Variants in RARB observed in about 807,000 individuals in gnomAD.
RARB encodes the protein retinoic acid receptor beta, also known as HBV-activated protein.
A neutral mutation model predicts 51.9 loss-of-function variants in RARB; 17 were observed. The ratio of observed to expected loss-of-function variants is 0.33; its 90% confidence interval spans 0.22 to 0.49. The LOEUF (loss-of-function observed/expected upper bound fraction) is 0.49, where lower values mean the gene tolerates loss of function less well. Among genes scored for constraint, RARB ranks in the 20% least tolerant of loss-of-function variants. The pLI, the probability that RARB is intolerant of heterozygous loss-of-function variation, is 0.99. For synonymous variants in RARB, 215 were observed against 195.4 expected (o/e 1.10, Z -0.84); for missense variants, 369 against 550.8 (o/e 0.67, Z 3.30).
chr3:25,104,420 T>C (rs1001459131), intron 3 of RARB, among the ~76,000 whole-genome samples: 4 of 152,082 alleles, frequency 2.6e-5, no homozygotes, highest in Admixed American at 6.6e-5. Context: ...GCGGTGCAGA[T>C]TGCTTGAGCC....
chr3:25,246,550 T>C (rs1036322211), intron 5 of RARB, among the ~76,000 whole-genome samples: 4 of 152,182 alleles, frequency 2.6e-5, no homozygotes, highest in Non-Finnish European at 4.4e-5. Flanking sequence ...TTTCTGTTTG[T>C]TAGTTTTCCT....
intron 2 of RARB, among the ~76,000 whole-genome samples, chr3:24,978,332 C>A (rs946339772): frequency 4.6e-5 from 7 of 152,096 alleles, no homozygotes; most frequent in Admixed American, 4.6e-4. Flanking sequence ...AGGAATGGTA[C>A]CAGCTCCTTT....
At chr3:25,168,120 T>A (rs1236901788) in intron 4 of RARB, among the ~76,000 whole-genome samples, 1 of 152,096 alleles carries the variant, frequency 6.6e-6, no homozygotes, top group East Asian at 1.9e-4. Flanking sequence ...GAGAAATACA[T>A]CTAATGTTAA....
intron 3 of RARB, among the ~76,000 whole-genome samples, chr3:25,551,409 C>T (rs1157306520): frequency 6.6e-5 from 10 of 152,146 alleles, no homozygotes; most frequent in African/African-American, 1.7e-4. Context: ...ACTCATCAGA[C>T]CCTGGTAGAT....
At chr3:25,045,385 G>A (rs558680568) in intron 2 of RARB, among the ~76,000 whole-genome samples, 4 of 152,276 alleles carry the variant, frequency 2.6e-5, no homozygotes, top group East Asian at 3.9e-4. Flanking sequence ...AGGCCCTTCC[G>A]AGAGAGAAAG....
intron 5 of RARB, among the ~76,000 whole-genome samples, chr3:25,219,884 AT>A (rs916866550): frequency 6.6e-6 from 1 of 152,238 alleles, no homozygotes; most frequent in African/African-American, 2.4e-5. Flanking sequence ...ACAGGAAAAA[AT>A]AATCTAAGAG....
At chr3:25,193,916 GTA>G (rs1481044769) in intron 5 of RARB, among the ~76,000 whole-genome samples, 1 of 151,676 alleles carries the variant, frequency 6.6e-6, no homozygotes, top group Admixed American at 6.6e-5. Flanking sequence ...TAATCAGTTA[GTA>G]AGATGATTAT....
rs184348570 is a variant in RARB, at chr3:25,586,111, G to A, written c.786+5389G>A. Reference sequence around the variant, plus strand: ...CTATATCACCTCGTGGCACTGCCTCGAGCCTCAGTCAAGCTCTTTCCTGAC... The same window carrying A: ...CTATATCACCTCGTGGCACTGCCTCAAGCCTCAGTCAAGCTCTTTCCTGAC... On this transcript the variant is annotated intron_variant, in intron 5 of 7. Coordinates refer to ENST00000330688, the MANE Select transcript of RARB (RefSeq NM_000965.5). Among the ~76,000 whole-genome samples the A allele has an allele frequency of 1.2e-3, 189 of 152,126 alleles. 2 individuals are homozygous for A. The highest frequency in any genetic ancestry group is 3.4e-3 in the Middle Eastern group (1 of 294).
At chr3:24,935,980 C>A (rs375218357) in intron 2 of RARB, among the ~76,000 whole-genome samples, 3 of 151,998 alleles carry the variant, frequency 2.0e-5, no homozygotes, top group African/African-American at 4.8e-5. Flanking sequence ...ATGTATAAAT[C>A]GAAAACTTAA....
At chr3:24,915,173 T>G (rs1695078592) in intron 2 of RARB, among the ~76,000 whole-genome samples, 6 of 151,852 alleles carry the variant, frequency 4.0e-5, no homozygotes, top group Admixed American at 3.9e-4. Context: ...AAAAACAAAC[T>G]TTTTTTTGAA....
At chr3:25,281,103 C>T (rs1436296970) in intron 5 of RARB, among the ~76,000 whole-genome samples, 4 of 152,172 alleles carry the variant, frequency 2.6e-5, no homozygotes, top group African/African-American at 9.7e-5. Flanking sequence ...CTACAGAATG[C>T]TCTTAAAGAG....
intron 2 of RARB, among the ~76,000 whole-genome samples, chr3:24,901,836 A>G (rs1212543351): frequency 6.6e-6 from 1 of 152,124 alleles, no homozygotes; most frequent in African/African-American, 2.4e-5. Flanking sequence ...ATGTAGGGCC[A>G]ACATCTTATT....
Position 24,967,942 on chromosome 3 carries a change from C to G in RARB, c.-379-92183C>G, listed in dbSNP as rs115935629. Among the ~76,000 whole-genome samples the G allele has an allele frequency of 8.3e-3, 1,262 of 152,262 alleles. 19 individuals carry two copies. The highest frequency in any genetic ancestry group is 0.024 in the Middle Eastern group (7 of 294). On this transcript the variant is annotated intron_variant, in intron 2 of 11. Transcript: ENST00000383772. ...GGGAATTAAGCAGTAGCAACAAACACTATTATCATTAGAGTTTCCGGAAGC... is the reference window on the plus strand; with the variant it reads ...GGGAATTAAGCAGTAGCAACAAACAGTATTATCATTAGAGTTTCCGGAAGC...
chr3:25,257,190 C>T (rs994944385), intron 5 of RARB, among the ~76,000 whole-genome samples: 4 of 152,054 alleles, frequency 2.6e-5, no homozygotes, highest in Non-Finnish European at 5.9e-5. Flanking sequence ...TGCTTGGTGA[C>T]TTAATTTGAT....
intron 2 of RARB, among the ~76,000 whole-genome samples, chr3:24,959,949 T>G (rs1394017741): frequency 6.6e-6 from 1 of 152,214 alleles, no homozygotes; most frequent in Non-Finnish European, 1.5e-5. Flanking sequence ...TCGAGATCTC[T>G]CAGTTAATCA....
At chr3:24,950,175 C>A (rs902999919) in intron 2 of RARB, among the ~76,000 whole-genome samples, 1 of 152,100 alleles carries the variant, frequency 6.6e-6, no homozygotes, top group Non-Finnish European at 1.5e-5. Context: ...TCTGTGTTTT[C>A]TTCGGAATTA....
At chr3:25,557,862 C>CT (rs1700123808) in intron 3 of RARB, among the ~76,000 whole-genome samples, 1 of 152,284 alleles carries the variant, frequency 6.6e-6, no homozygotes, top group Admixed American at 6.5e-5. Context: ...TCACCCTATT[C>CT]CCTGCAGAGC....
At chr3:25,229,201 C>T (rs1306319962) in intron 5 of RARB, among the ~76,000 whole-genome samples, 1 of 152,016 alleles carries the variant, frequency 6.6e-6, no homozygotes. Flanking sequence ...TCTTTTTAGT[C>T]CATTATTTGT....
At position 24,990,537 on chromosome 3, in the gene RARB, G is replaced by A. The variant is rs906212072; in HGVS notation, c.-379-69588G>A. ...TTCATCTGAGATTATTAAATATAAT[G>A]TGAGATATCTGATTTGTTCTTTTTT... is the stretch of plus-strand genomic sequence containing the variant. On this transcript the variant is annotated intron_variant, in intron 2 of 11. Transcript: ENST00000383772. Among the ~76,000 whole-genome samples, 27 of 107,348 alleles carry A rather than the reference G, an allele frequency of 2.5e-4. 7 individuals carry two copies. The highest frequency in any genetic ancestry group is 9.8e-4 in the African/African-American group (27 of 27,436). 70.4% of individuals were successfully genotyped at this position (107,348 alleles called of 152,430 possible). A position where few individuals can be genotyped will look rare whatever the true frequency, so the allele number is the denominator to read the frequency against.
Sources: gnomAD v4.1 joint callset for allele counts (sites outside exome capture counted in the v4.1 genomes callset) on GRCh38, gnomAD v4.1.1 for gene constraint, MANE v1.5 for transcripts, NCBI Gene and HGNC (gene_info 2026-07-23, HGNC 2026-07-21) for gene names.